KIAA0232: variants seen among roughly 807,000 people sequenced by gnomAD.
The protein encoded by KIAA0232 is KIAA0232, also known as uncharacterized protein KIAA0232.
KIAA0232 carries 27 observed loss-of-function variants against 122.0 expected under a neutral mutation model. The observed-to-expected ratio is 0.22, with a 90% CI of 0.16 to 0.31. The LOEUF is 0.31. KIAA0232 is among the 10% of genes least tolerant of loss of function. The probability of loss-of-function intolerance (pLI) is 1.00; values close to 1 mark genes in which losing one functional copy is unlikely to be tolerated. For synonymous variants in KIAA0232, 613 were observed against 587.6 expected, an observed-to-expected ratio of 1.04 and a Z score of -0.63; for missense variants, 1,551 against 1,634.2, an observed-to-expected ratio of 0.95 and a Z score of 0.88.
intron 1 of KIAA0232, among the ~76,000 whole-genome samples, chr4:6,802,946 T>C (rs980957260): frequency 1.4e-5 from 2 of 141,898 alleles, no homozygotes; most frequent in Non-Finnish European, 3.0e-5. Flanking sequence ...TCACTTGAGG[T>C]CAAGAGTTCA....
chr4:6,863,494 T>A lies in KIAA0232; in HGVS notation c.3112T>A (p.Ser1038Thr), dbSNP rs1720999478. The stretch of plus-strand genomic sequence containing the variant: ...AGTCGAAGATCCTGGACTTGAATAC[T>A]CATTTTCTTCCTTTGACTTAAGCAA... ...FQVEDPGLEY[S>T]FSSFDLSNPF... The change falls in exon 7 of 10, where the codon TCA (serine) becomes ACA (threonine). Residue 1038 changes from serine to threonine, a missense_variant. By Grantham distance (58) the Ser-to-Thr change is moderately conservative (BLOSUM62 1). Around this residue, in one of 5 missense-constraint regions of KIAA0232, gnomAD observed 1,108 missense variants for 1,154.8 expected, o/e 0.96. Coordinates refer to ENST00000307659, the MANE Select transcript of KIAA0232 (RefSeq NM_014743.3). The A allele has an allele frequency of 6.2e-7, 1 of 1,614,228 alleles. No individual in the cohort carries two copies.
At chr4:6,835,395 A>C (rs1297282967) in intron 3 of KIAA0232, among the ~76,000 whole-genome samples, 1 of 152,176 alleles carries the variant, frequency 6.6e-6, no homozygotes, top group East Asian at 1.9e-4. Flanking sequence ...TTGGTTTCAA[A>C]ATTTTAGACC....
chr4:6,850,885 G>A (rs1720242569), intron 4 of KIAA0232, among the ~76,000 whole-genome samples: 1 of 152,116 alleles, frequency 6.6e-6, no homozygotes, highest in African/African-American at 2.4e-5. Context: ...GGCCAGGATG[G>A]TCTCGATCTC....
intron 5 of KIAA0232, among the ~76,000 whole-genome samples, chr4:6,857,527 G>C (rs1373396229): frequency 6.6e-6 from 1 of 152,078 alleles, no homozygotes; most frequent in Non-Finnish European, 1.5e-5. Flanking sequence ...TTTAATTGTT[G>C]TTGGCTTCAA....
chr4:6,837,935 G>A (rs80334990), intron 3 of KIAA0232, among the ~76,000 whole-genome samples: 5 of 152,052 alleles, frequency 3.3e-5, no homozygotes, highest in African/African-American at 7.3e-5. Flanking sequence ...GAGGGAGAGG[G>A]AGAGGGAGAG....
chr4:6,857,756 ATCC>A (rs1720638791), intron 5 of KIAA0232, among the ~76,000 whole-genome samples: 1 of 152,178 alleles, frequency 6.6e-6, no homozygotes, highest in African/African-American at 2.4e-5. Context: ...CGATATATGA[ATCC>A]TCCTCATACT....
At chr4:6,856,594 A>G (rs187294148) in intron 4 of KIAA0232, among the ~76,000 whole-genome samples, 1 of 152,278 alleles carries the variant, frequency 6.6e-6, no homozygotes, top group East Asian at 1.9e-4. Flanking sequence ...AGATGCTGAA[A>G]AGAAGACAAA....
chr4:6,822,115 TTTAA>T (rs1460217302), intron 2 of KIAA0232, among the ~76,000 whole-genome samples: 1 of 152,190 alleles, frequency 6.6e-6, no homozygotes, highest in Non-Finnish European at 1.5e-5. Flanking sequence ...GAGTGTGTTA[TTTAA>T]TTGACAATAT....
At chr4:6,838,922 A>G (rs1374666197) in intron 3 of KIAA0232, among the ~76,000 whole-genome samples, 1 of 152,150 alleles carries the variant, frequency 6.6e-6, no homozygotes, top group African/African-American at 2.4e-5. Context: ...TGAGGCCAGG[A>G]GTTCAAGACC....
chr4:6,873,230 TCA>T (rs1372253097), intron 8 of KIAA0232, among the ~76,000 whole-genome samples: 1 of 152,208 alleles, frequency 6.6e-6, no homozygotes. Flanking sequence ...TTGCCCGAAA[TCA>T]CACAGTTAAC....
In KIAA0232 at chr4:6,824,223, T is replaced by G. The variant is rs1020554936; in HGVS notation, c.-231T>G. The G allele has an allele frequency of 5.4e-6, 3 of 552,114 alleles. No individual in the cohort carries two copies. Among genetic ancestry groups the G allele is most frequent in the Non-Finnish European group, 9.7e-6 (3 of 310,094 alleles). The allele number at this position is 552,114 out of a possible 1,614,324, so 34.2% of individuals were successfully genotyped here. A position where few individuals can be genotyped will look rare whatever the true frequency, so the allele number is the denominator to read the frequency against. On this transcript the variant is annotated 5_prime_UTR_variant, in exon 3 of 10. It adds an upstream start codon to the 5' untranslated region. Transcript: ENST00000307659. The stretch of plus-strand genomic sequence containing the variant: ...CTTCCATTTGGCCTCAATGTGAAAT[T>G]AAAGTAGAAAATCACATCTACATGC...
In KIAA0232 at chr4:6,880,913, G is replaced by C; in HGVS notation, c.4135G>C (p.Gly1379Arg). The C allele has an allele frequency of 6.2e-7, 1 of 1,605,352 alleles. No individual in the cohort carries two copies. The highest frequency in any genetic ancestry group is 2.2e-5 in the East Asian group (1 of 44,556). ...GGAAGAGACAGGCTCAGAAGGCGGA[G>C]GCGAGTGGGTGGGCCCTAGTGAAGA... is the stretch of plus-strand genomic sequence containing the variant. ...TSEETGSEGG[G>R]EWVGPSEEEL... Residue 1379 changes from glycine (G) to arginine (R), a missense_variant, in exon 10 of 10, where the codon GGC (glycine) becomes CGC (arginine). Coordinates refer to ENST00000307659, the MANE Select transcript of KIAA0232 (RefSeq NM_014743.3).
chr4:6,819,160 T>C (rs1401637454), intron 2 of KIAA0232, among the ~76,000 whole-genome samples: 2 of 152,034 alleles, frequency 1.3e-5, no homozygotes, highest in Non-Finnish European at 1.5e-5. Context: ...ATTCTGGCCT[T>C]AGGAAAGAAT....
intron 3 of KIAA0232, among the ~76,000 whole-genome samples, chr4:6,830,141 A>G (rs1718889724): frequency 6.6e-6 from 1 of 152,220 alleles, no homozygotes; most frequent in African/African-American, 2.4e-5. Flanking sequence ...TGTGCCAGCC[A>G]CTGTTGAAGG....
rs994849568 is a variant in KIAA0232 at position 6,782,822 on chromosome 4, C to A, written c.-373C>A. On this transcript the variant is annotated 5_prime_UTR_variant, in exon 1 of 10. Coordinates refer to ENST00000307659, the MANE Select transcript of KIAA0232 (RefSeq NM_014743.3). ...AGAGGCGCCCCCGCCGGCCGCCGCG[C>A]CGCCCGGCAGCCTCGGCAGGTACTG... 10 of 148,556 alleles carry A rather than the reference C, an allele frequency of 6.7e-5. No individual in the cohort carries two copies. Among genetic ancestry groups the A allele is most frequent in the Admixed American group, 2.0e-4 (3 of 14,946 alleles). 9.2% of individuals were successfully genotyped at this position (148,556 alleles called of 1,614,324 possible). A position where few individuals can be genotyped will look rare whatever the true frequency, so the allele number is the denominator to read the frequency against.
Position 6,882,647 on chromosome 4 carries a change from T to TGTGC in KIAA0232, c.*1682_*1683insTGCG, listed in dbSNP as rs1491564824. ...GTGGGTGTGTGTGTGTGTGTGTGTG[T>TGTGC]GCGCGCGTGCGCGCGCGCATGTGTA... On this transcript the variant is annotated 3_prime_UTR_variant, in exon 10 of 10. Transcript: ENST00000307659. The TGTGC allele has an allele frequency of 8.2e-5, 12 of 146,454 alleles. No homozygotes were observed. Among genetic ancestry groups the TGTGC allele is most frequent in the South Asian group, 4.5e-4 (2 of 4,408 alleles). The allele number at this position is 146,454 out of a possible 1,614,324, so 9.1% of individuals were successfully genotyped here. A position where few individuals can be genotyped will look rare whatever the true frequency, so the allele number is the denominator to read the frequency against.
Position 6,811,712 on chromosome 4 carries a change from C to T in KIAA0232, c.-270+7106C>T, listed in dbSNP as rs540651369. Among the ~76,000 whole-genome samples, 17 of 149,622 alleles carry T rather than the reference C, an allele frequency of 1.1e-4. No individual in the cohort carries two copies. In the East Asian group the frequency reaches 1.8e-3, roughly 16 times the overall value. ...CGTCCGCCTCGGCCACCCAAAGTGC[C>T]GGGATTATTGGTGTGAGCCACTGTG... On this transcript the variant is annotated intron_variant, in intron 2 of 9. Transcript: ENST00000307659.
chr4:6,791,062 G>A (rs1716871732), intron 1 of KIAA0232, among the ~76,000 whole-genome samples: 2 of 150,812 alleles, frequency 1.3e-5, no homozygotes, highest in South Asian at 2.1e-4. Context: ...GGGACTACAG[G>A]TGTGTGCCAC....
At chr4:6,823,905 A>G (rs945204461) in intron 2 of KIAA0232, among the ~76,000 whole-genome samples, 11 of 152,152 alleles carry the variant, frequency 7.2e-5, no homozygotes, top group African/African-American at 2.7e-4. Flanking sequence ...GGGGTTATTC[A>G]TAGGTACAGT....
Sources: allele counts gnomAD v4.1 joint callset (sites outside exome capture counted in the v4.1 genomes callset), GRCh38; gene constraint gnomAD v4.1.1; regional missense constraint gnomAD v4.1.1; transcripts MANE v1.5; gene names NCBI Gene and HGNC (gene_info 2026-07-23, HGNC 2026-07-21).